Variants in TAF1 observed in about 807,000 individuals in gnomAD.
TAF1 encodes TATA-box binding protein associated factor 1.
Under a neutral mutation model 138.5 loss-of-function variants are expected in TAF1, and 2 were observed. That is an observed-to-expected ratio of 0.01 (90% CI 0.01 to 0.05). The LOEUF is 0.05. Among genes scored for constraint, TAF1 ranks in the 10% least tolerant of loss-of-function variants. The probability of loss-of-function intolerance (pLI) is 1.00; values close to 1 mark genes in which losing one functional copy is unlikely to be tolerated. For missense variants in TAF1, 709 were observed against 1,478.0 expected (o/e 0.48, Z 8.53); for synonymous variants, 437 against 503.2 (o/e 0.87, Z 1.76).
chrX:71,467,297 C>G (rs772981706), downstream of TAF1, among the ~76,000 whole-genome samples: 2 of 109,400 alleles, frequency 1.8e-5, no homozygotes, highest in African/African-American at 6.7e-5. Context: ...GATGACTCAA[C>G]GAGCATGCTG....
chrX:71,395,763 T>C (rs1324663658), intron 22 of TAF1, among the ~76,000 whole-genome samples: 2 of 111,615 alleles, frequency 1.8e-5, no homozygotes, highest in African/African-American at 6.5e-5. Context: ...ACCAATGTGG[T>C]CATCTATGTT....
intron 28 of TAF1, 44 bp from the exon 29 acceptor site, chrX:71,421,265 G>A: frequency 1.8e-6 from 2 of 1,133,895 alleles, no homozygotes; most frequent in Non-Finnish European, 2.4e-6. Context: ...GGCAGCTTTT[G>A]CCTCCCGTTA....
intron 37 of TAF1, among the ~76,000 whole-genome samples, chrX:71,462,687 CTAGTG>C (rs2038603288): frequency 8.9e-6 from 1 of 111,880 alleles, no homozygotes. Context: ...ATGATAATGC[CTAGTG>C]TTTGGAAAGG....
intron 32 of TAF1, among the ~76,000 whole-genome samples, chrX:71,428,971 T>C (rs1194932071): frequency 8.9e-6 from 1 of 111,880 alleles, no homozygotes; most frequent in Non-Finnish European, 1.9e-5. Context: ...TTCCGTGGTT[T>C]TTCCTCATAT....
chrX:71,408,969 G>A (rs1192079680), intron 28 of TAF1, among the ~76,000 whole-genome samples: 1 of 106,536 alleles, frequency 9.4e-6, no homozygotes, highest in Non-Finnish European at 1.9e-5. Flanking sequence ...AGCCGAGATC[G>A]TGCCACTGCA....
intron 32 of TAF1, among the ~76,000 whole-genome samples, chrX:71,427,295 G>A (rs893596508): frequency 6.2e-5 from 7 of 112,136 alleles, no homozygotes; most frequent in Admixed American, 2.9e-4. Flanking sequence ...TTACACATTG[G>A]AAAGTGGAGA....
chrX:71,418,612 AAAG>A (rs1352005551), intron 28 of TAF1, among the ~76,000 whole-genome samples: 2 of 112,483 alleles, frequency 1.8e-5, no homozygotes, highest in African/African-American at 6.5e-5. Context: ...AGGATATGTA[AAAG>A]AAGTAATTGG....
intron 32 of TAF1, among the ~76,000 whole-genome samples, chrX:71,444,030 C>G (rs776028579): frequency 9.1e-6 from 1 of 110,093 alleles, no homozygotes; most frequent in Non-Finnish European, 1.9e-5. Flanking sequence ...CTTTTTGAGA[C>G]GGAGTCTTGC....
intron 15 of TAF1, among the ~76,000 whole-genome samples, chrX:71,387,750 A>G (rs1340782855): frequency 9.0e-6 from 1 of 111,563 alleles, no homozygotes; most frequent in Non-Finnish European, 1.9e-5. Context: ...CCTGACCAAC[A>G]TGGAGAAACC....
chrX:71,379,983 G>A (rs2033777839), intron 8 of TAF1, among the ~76,000 whole-genome samples: 1 of 110,023 alleles, frequency 9.1e-6, no homozygotes, highest in South Asian at 3.8e-4. Flanking sequence ...TAGAATTCTA[G>A]TTTCCTATTT....
chrX:71,408,498 G>A (rs1403963336), intron 28 of TAF1, among the ~76,000 whole-genome samples: 1 of 110,219 alleles, frequency 9.1e-6, no homozygotes, highest in Non-Finnish European at 1.9e-5. Flanking sequence ...TGTATTTTTA[G>A]TAGAGACTGG....
intron 28 of TAF1, chrX:71,420,236 G>T: frequency 1.2e-6 from 1 of 819,750 alleles, no homozygotes; most frequent in Non-Finnish European, 1.8e-6. Context: ...GATCTGTTGT[G>T]CTGATTCCTG....
At chrX:71,383,336 A>T (rs1442673381) in intron 12 of TAF1, among the ~76,000 whole-genome samples, 172 bp downstream of exon 12, 1 of 112,307 alleles carries the variant, frequency 8.9e-6, no homozygotes, top group Non-Finnish European at 1.9e-5. Flanking sequence ...GCATGTGAAA[A>T]TATTTAAAGG....
intron 13 of TAF1, among the ~76,000 whole-genome samples, chrX:71,511,685 A>G (rs1029133535): frequency 8.9e-6 from 1 of 111,956 alleles, no homozygotes; most frequent in African/African-American, 3.2e-5. Flanking sequence ...CTACATGACA[A>G]TGTGACTTTG....
chrX:71,492,070 G>C (rs1329191336), intron 13 of TAF1: 1 of 113,180 alleles, frequency 8.8e-6, no homozygotes, highest in African/African-American at 3.2e-5. Flanking sequence ...ACTATTAGAC[G>C]CATGTCCCCA....
rs1569295665 is a variant in TAF1 at position 71,392,555 on chromosome X, T to C, written c.2782-14T>C. On this transcript the variant is annotated splice_polypyrimidine_tract_variant and intron_variant, in intron 18 of 37. Transcript: ENST00000423759. ...TGTTTCCCACTGCCCTGAGAATCTTTTTCTTTATCTCAGGTTCGCACTGCC... is the reference window on the plus strand; with the variant it reads ...TGTTTCCCACTGCCCTGAGAATCTTCTTCTTTATCTCAGGTTCGCACTGCC... The C allele has an allele frequency of 7.9e-6, 9 of 1,143,282 alleles. No homozygotes were observed. In the East Asian group the frequency reaches 2.4e-4, roughly 31 times the overall value. 94.2% of individuals were successfully genotyped at this position (1,143,282 alleles called of 1,213,427 possible).
chrX:71,498,794 G>A (rs886385937), intron 13 of TAF1, among the ~76,000 whole-genome samples: 1 of 111,755 alleles, frequency 8.9e-6, no homozygotes, highest in Non-Finnish European at 1.9e-5. Context: ...TAATGAGAAA[G>A]GAGTGTGAAA....
At chrX:71,489,181 C>G (rs1446772165) in intron 13 of TAF1, among the ~76,000 whole-genome samples, 1 of 110,391 alleles carries the variant, frequency 9.1e-6, no homozygotes, top group Non-Finnish European at 1.9e-5. Context: ...TTTATATAGT[C>G]TGTCCCTTTT....
At position 71,382,751 on chromosome X, in the gene TAF1, C is replaced by T. The variant is rs868381144; in HGVS notation, c.1666-10C>T. On this transcript the variant is annotated splice_polypyrimidine_tract_variant and intron_variant, in intron 10 of 37. Coordinates refer to ENST00000423759, the MANE Select transcript of TAF1 (RefSeq NM_004606.5). ...GTCTGACCGAGATTTGTTTGATTAT[C>T]TATCATTAGAACATGTCTCAGCCAG... 1 of 1,205,752 alleles carries T rather than the reference C, an allele frequency of 8.3e-7. No homozygotes were observed. Among genetic ancestry groups the T allele is most frequent in the Non-Finnish European group, 1.1e-6 (1 of 892,666 alleles).
Sources: gnomAD v4.1 joint callset for allele counts (sites outside exome capture counted in the v4.1 genomes callset) on GRCh38, gnomAD v4.1.1 for gene constraint, MANE v1.5 for transcripts, NCBI Gene and HGNC (gene_info 2026-07-23, HGNC 2026-07-21) for gene names.